IL1RAPL2: variants seen among roughly 807,000 people sequenced by gnomAD.
IL1RAPL2 encodes X-linked interleukin-1 receptor accessory protein-like 2.
In IL1RAPL2, 3 loss-of-function variants were observed where a neutral mutation model predicts 44.1. The ratio of observed to expected loss-of-function variants is 0.07; its 90% CI spans 0.03 to 0.18. The LOEUF (loss-of-function observed/expected upper bound fraction) is 0.18, where lower values mean the gene tolerates loss of function less well. Among genes scored for constraint, IL1RAPL2 ranks in the 10% least tolerant of loss-of-function variants. The pLI is 1.00. For synonymous variants in IL1RAPL2, 181 were observed against 178.8 expected, an observed-to-expected ratio of 1.01 and a Z score of -0.10; for missense variants, 391 against 496.4, an observed-to-expected ratio of 0.79 and a Z score of 2.02.
At chrX:105,583,519 G>T (rs753723721) in intron 6 of IL1RAPL2, among the ~76,000 whole-genome samples, 3 of 111,902 alleles carry the variant, frequency 2.7e-5, no homozygotes, top group Non-Finnish European at 3.8e-5. Context: ...ATCTTTCAGA[G>T]AATTTGACTA....
chrX:105,323,102 G>A (rs2034908298), intron 5 of IL1RAPL2, among the ~76,000 whole-genome samples: 1 of 111,920 alleles, frequency 8.9e-6, no homozygotes, highest in Non-Finnish European at 1.9e-5. Flanking sequence ...GGCAAGAAGT[G>A]ATCTAGAACC....
intron 2 of IL1RAPL2, among the ~76,000 whole-genome samples, chrX:105,038,120 A>C (rs1169909653): frequency 9.0e-6 from 1 of 111,066 alleles, no homozygotes; most frequent in Non-Finnish European, 1.9e-5. Flanking sequence ...TGCCCCTCAG[A>C]CCTAGATCCA....
At chrX:104,810,202 G>C (rs1932963894) in intron 2 of IL1RAPL2, among the ~76,000 whole-genome samples, 1 of 109,779 alleles carries the variant, frequency 9.1e-6, no homozygotes, top group Non-Finnish European at 1.9e-5. Flanking sequence ...CTCATAGGTG[G>C]GAATTGAACA....
At chrX:105,086,891 T>G (rs1238800260) in intron 2 of IL1RAPL2, among the ~76,000 whole-genome samples, 2 of 111,161 alleles carry the variant, frequency 1.8e-5, no homozygotes, top group East Asian at 5.6e-4. Flanking sequence ...GACCAGGAAC[T>G]TAGAAAACAG....
intron 2 of IL1RAPL2, among the ~76,000 whole-genome samples, chrX:104,945,038 C>A (rs936696542): frequency 1.8e-5 from 2 of 111,509 alleles, no homozygotes; most frequent in Admixed American, 1.9e-4. Context: ...AATCTTGGTC[C>A]TCTGCCTGCT....
At chrX:105,735,225 T>C (rs1463400640) in intron 7 of IL1RAPL2, among the ~76,000 whole-genome samples, 1 of 111,595 alleles carries the variant, frequency 9.0e-6, no homozygotes, top group Non-Finnish European at 1.9e-5. Context: ...TTACTTTCTA[T>C]TGTATCAGTG....
chrX:104,611,383 G>A (rs1929154201), intron 1 of IL1RAPL2, among the ~76,000 whole-genome samples: 1 of 111,086 alleles, frequency 9.0e-6, no homozygotes, highest in African/African-American at 3.3e-5. Context: ...GAGGCAGTTG[G>A]CCTTGCTGAG....
intron 2 of IL1RAPL2, among the ~76,000 whole-genome samples, chrX:104,699,128 T>C (rs1315949499): frequency 8.9e-6 from 1 of 111,795 alleles, no homozygotes; most frequent in African/African-American, 3.3e-5. Flanking sequence ...CCAACCTTTT[T>C]TACCAGGGAC....
At chrX:105,388,385 T>TTTTTA (rs1556305849) in intron 5 of IL1RAPL2, among the ~76,000 whole-genome samples, 1 of 96,683 alleles carries the variant, frequency 1.0e-5, no homozygotes, top group African/African-American at 3.9e-5. Context: ...TTTTTTTTTT[T>TTTTTA]ACTAATGATG....
chrX:104,819,681 CAT>C (rs892541292), intron 2 of IL1RAPL2, among the ~76,000 whole-genome samples: 6 of 112,037 alleles, frequency 5.4e-5, no homozygotes, highest in African/African-American at 1.6e-4. Flanking sequence ...GTCCCTATAA[CAT>C]GTGTGCTTAA....
intron 10 of IL1RAPL2, among the ~76,000 whole-genome samples, chrX:105,762,933 G>A (rs1438230500): frequency 1.5e-4 from 16 of 109,664 alleles, no homozygotes; most frequent in East Asian, 2.9e-4. Context: ...TTTTAAAAAC[G>A]TTTTCTGAAG....
At chrX:105,363,855 T>G (rs754517866) in intron 5 of IL1RAPL2, among the ~76,000 whole-genome samples, 19 of 111,258 alleles carry the variant, frequency 1.7e-4, no homozygotes, top group Non-Finnish European at 3.2e-4. Flanking sequence ...ATTAGCCCCT[T>G]ATCAGATGTA....
intron 2 of IL1RAPL2, among the ~76,000 whole-genome samples, chrX:104,819,818 A>C (rs1384300173): frequency 9.8e-5 from 11 of 112,348 alleles, no homozygotes; most frequent in African/African-American, 3.2e-4. Context: ...TTCTCAATAC[A>C]ATGAGCTGAA....
intron 6 of IL1RAPL2, among the ~76,000 whole-genome samples, chrX:105,544,865 A>G (rs948527047): frequency 1.8e-5 from 2 of 110,296 alleles, no homozygotes; most frequent in Non-Finnish European, 3.8e-5. Flanking sequence ...TCCCCTGTAG[A>G]TATTTAGCTA....
At chrX:105,502,987 TC>T (rs986216065) in intron 6 of IL1RAPL2, among the ~76,000 whole-genome samples, 8 of 110,411 alleles carry the variant, frequency 7.2e-5, no homozygotes, top group Non-Finnish European at 1.5e-4. Context: ...ACTTTTGATT[TC>T]CTCTTTAGTA....
intron 5 of IL1RAPL2, among the ~76,000 whole-genome samples, chrX:105,278,939 G>A (rs768392733): frequency 8.1e-5 from 9 of 111,376 alleles, no homozygotes; most frequent in South Asian, 3.8e-4. Context: ...TTACATTTCC[G>A]TAATTTCCTC....
At chrX:105,317,638 C>T (rs973005242) in intron 5 of IL1RAPL2, among the ~76,000 whole-genome samples, 1 of 111,475 alleles carries the variant, frequency 9.0e-6, no homozygotes, top group Admixed American at 9.5e-5. Flanking sequence ...TTTTTAGACC[C>T]TTATTTAAGG....
At chrX:105,031,204 C>T (rs2031486630) in intron 2 of IL1RAPL2, among the ~76,000 whole-genome samples, 1 of 109,593 alleles carries the variant, frequency 9.1e-6, no homozygotes, top group African/African-American at 3.3e-5. Flanking sequence ...GACAATTTGA[C>T]TTCCTCTTTT....
chrX:104,999,525 G>A (rs945387533), intron 2 of IL1RAPL2, among the ~76,000 whole-genome samples: 3 of 111,761 alleles, frequency 2.7e-5, no homozygotes, highest in African/African-American at 9.7e-5. Flanking sequence ...GGAACTTGAA[G>A]GAGGAACTAA....
Sources: gnomAD v4.1 joint callset for allele counts (sites outside exome capture counted in the v4.1 genomes callset) on GRCh38, gnomAD v4.1.1 for gene constraint, MANE v1.5 for transcripts, NCBI Gene and HGNC (gene_info 2026-07-23, HGNC 2026-07-21) for gene names.